Variants in PTP4A1 observed in about 807,000 individuals in gnomAD.
PTP4A1 encodes protein tyrosine phosphatase type IVA 1.
PTP4A1 carries 9 observed loss-of-function variants against 20.5 expected under a neutral mutation model. The ratio of observed to expected loss-of-function variants is 0.44; its 90% CI spans 0.26 to 0.77. PTP4A1 has a LOEUF of 0.77. PTP4A1 is among the 30% of genes least tolerant of loss of function. The probability of loss-of-function intolerance (pLI) is 0.19; values close to 1 mark genes in which losing one functional copy is unlikely to be tolerated. For missense variants in PTP4A1, 137 were observed against 218.8 expected, an observed-to-expected ratio of 0.63 and a Z score of 2.36; for synonymous variants, 78 against 67.4, an observed-to-expected ratio of 1.16 and a Z score of -0.77.
chr6:63,572,401 G>C (rs1777492633), upstream of PTP4A1: 1 of 339,592 alleles, frequency 2.9e-6, no homozygotes, highest in East Asian at 4.4e-5. Context: ...CTCCTGGCCC[G>C]CGGTTCCAGG....
upstream of PTP4A1, chr6:63,571,388 AGGTCCTGTTT>A (rs1777419335): frequency 6.6e-6 from 1 of 152,200 alleles, no homozygotes; most frequent in Non-Finnish European, 1.5e-5. Flanking sequence ...AAGCAGGTAA[AGGTCCTGTTT>A]GGTCCTTCTC....
chr6:63,573,970 A>C (rs1777678173), intron 1 of PTP4A1, among the ~76,000 whole-genome samples: 1 of 152,138 alleles, frequency 6.6e-6, no homozygotes, highest in African/African-American at 2.4e-5. Flanking sequence ...AGCAGTAGCC[A>C]ACCAGAGACG....
At chr6:63,537,822 A>G (rs559253268) in intron 2 of PTP4A1, among the ~76,000 whole-genome samples, 8 of 152,332 alleles carry the variant, frequency 5.3e-5, no homozygotes, top group Middle Eastern at 3.4e-3. Flanking sequence ...GTAGGGCACA[A>G]TGAGGACACC....
upstream of PTP4A1, among the ~76,000 whole-genome samples, chr6:63,569,471 G>A (rs1171194954): frequency 6.6e-5 from 10 of 152,134 alleles, 1 homozygote; most frequent in Non-Finnish European, 1.3e-4. Context: ...TGACCAGGCT[G>A]GTCTTGAACT....
At chr6:63,558,350 G>C (rs150166076) in intron 3 of PTP4A1, among the ~76,000 whole-genome samples, 4 of 152,212 alleles carry the variant, frequency 2.6e-5, no homozygotes, top group Non-Finnish European at 4.4e-5. Flanking sequence ...TAAGGCTTTT[G>C]ACAGTAAAAA....
chr6:63,533,493 A>G (rs1775565741), intron 2 of PTP4A1, among the ~76,000 whole-genome samples: 1 of 152,266 alleles, frequency 6.6e-6, no homozygotes. Context: ...TCTTTAAAAA[A>G]TAGTTTGGTT....
At chr6:63,552,626 T>C (rs953290261) in intron 3 of PTP4A1, among the ~76,000 whole-genome samples, 7 of 152,228 alleles carry the variant, frequency 4.6e-5, no homozygotes, top group African/African-American at 1.7e-4. Context: ...ATGTCCTGAA[T>C]GGTATTGCCT....
At chr6:63,550,898 T>G (rs551017326) in intron 3 of PTP4A1, among the ~76,000 whole-genome samples, 1 of 152,196 alleles carries the variant, frequency 6.6e-6, no homozygotes, top group South Asian at 2.1e-4. Context: ...AGTGTTTGGA[T>G]TACATGGATG....
At chr6:63,549,422 G>T in intron 2 of PTP4A1, 1 of 751,186 alleles carries the variant, frequency 1.3e-6, no homozygotes, top group Non-Finnish European at 2.4e-6. Flanking sequence ...TCAAACAGGG[G>T]ATTCACCACT....
At chr6:63,527,464 T>C (rs999889825) in intron 1 of PTP4A1, among the ~76,000 whole-genome samples, 3 of 152,158 alleles carry the variant, frequency 2.0e-5, no homozygotes, top group Non-Finnish European at 4.4e-5. Flanking sequence ...TCTTCTTATG[T>C]TGTAGATATC....
chr6:63,545,188 A>G (rs1776130054), intron 2 of PTP4A1, among the ~76,000 whole-genome samples: 1 of 152,088 alleles, frequency 6.6e-6, no homozygotes, highest in African/African-American at 2.4e-5. Flanking sequence ...TCTTATTTTG[A>G]TACTCAAATC....
In PTP4A1 at chr6:63,547,498, ATTTTTTT is replaced by A. The variant is rs752223359; in HGVS notation, c.-639-2783_-639-2777del. Among the ~76,000 whole-genome samples, 36 of 90,796 alleles carry A rather than the reference ATTTTTTT, an allele frequency of 4.0e-4. No homozygotes were observed. The East Asian group carries it at 8.6e-3, about 22-fold the overall frequency. The allele number at this position is 90,796 out of a possible 152,430, so 59.6% of individuals were successfully genotyped here. ...TGCCACCTCGCCCGGCCAGGGGGGA[ATTTTTTT>A]TTTTTTTTTTTTTTTTTTAAGATGG... On this transcript the variant is annotated intron_variant, in intron 2 of 3. Coordinates refer to the PTP4A1 transcript ENST00000639568.
intron 3 of PTP4A1, among the ~76,000 whole-genome samples, chr6:63,562,674 T>C (rs1224554021): frequency 6.6e-6 from 1 of 152,202 alleles, no homozygotes; most frequent in Non-Finnish European, 1.5e-5. Context: ...AAGAGCACAA[T>C]AAGTTTTAGC....
At chr6:63,535,290 C>T (rs559326087) in intron 2 of PTP4A1, among the ~76,000 whole-genome samples, 3 of 152,080 alleles carry the variant, frequency 2.0e-5, no homozygotes, top group African/African-American at 2.4e-5. Context: ...CATGGTGAAA[C>T]CCCGTTTCTA....
chr6:63,571,611 A>G (rs1414628218), upstream of PTP4A1: 1 of 152,246 alleles, frequency 6.6e-6, no homozygotes, highest in Non-Finnish European at 1.5e-5. Context: ...CTTAATTTCT[A>G]AAAACGCTTT....
upstream of PTP4A1, among the ~76,000 whole-genome samples, chr6:63,520,764 A>T (rs775783571): frequency 6.6e-6 from 1 of 152,120 alleles, no homozygotes; most frequent in African/African-American, 2.4e-5. Flanking sequence ...TGTCAATATG[A>T]TTAGTGTCAG....
At chr6:63,557,374 T>A (rs2149493492) in intron 3 of PTP4A1, among the ~76,000 whole-genome samples, 1 of 152,258 alleles carries the variant, frequency 6.6e-6, no homozygotes, top group African/African-American at 2.4e-5. Context: ...GAGACCAGCC[T>A]GGCCAACATG....
chr6:63,573,348 A>C (rs1777610673), intron 1 of PTP4A1: 1 of 151,740 alleles, frequency 6.6e-6, no homozygotes, highest in Non-Finnish European at 1.5e-5. Flanking sequence ...ATCTGGTTCC[A>C]GAGCTTCTCG....
chr6:63,544,823 C>T (rs1351810560), intron 2 of PTP4A1, among the ~76,000 whole-genome samples: 1 of 152,132 alleles, frequency 6.6e-6, no homozygotes, highest in Admixed American at 6.5e-5. Context: ...GTTAATTTCT[C>T]CCATTACTGA....
Sources: gnomAD v4.1 joint callset for allele counts (sites outside exome capture counted in the v4.1 genomes callset) on GRCh38, gnomAD v4.1.1 for gene constraint, MANE v1.5 for transcripts, NCBI Gene and HGNC (gene_info 2026-07-23, HGNC 2026-07-21) for gene names.